KIAA1549L: variants seen among roughly 807,000 people sequenced by gnomAD.
The protein encoded by KIAA1549L is UPF0606 protein KIAA1549L.
A neutral mutation model predicts 160.7 loss-of-function variants in KIAA1549L; 88 were observed. The ratio of observed to expected loss-of-function variants is 0.55; its 90% CI spans 0.46 to 0.65. KIAA1549L has a LOEUF of 0.65. Ranked by LOEUF, KIAA1549L falls within the 30% of genes least tolerant of loss-of-function variation. The pLI, the probability that KIAA1549L is intolerant of heterozygous loss-of-function variation, is 0.00. For missense variants in KIAA1549L, 2,258 were observed against 2,437.5 expected, an observed-to-expected ratio of 0.93 and a Z score of 1.55; for synonymous variants, 950 against 976.7, an observed-to-expected ratio of 0.97 and a Z score of 0.51.
At chr11:33,397,431 C>A (rs532075986) in intron 1 of KIAA1549L, among the ~76,000 whole-genome samples, 1 of 148,634 alleles carries the variant, frequency 6.7e-6, no homozygotes, top group South Asian at 2.2e-4. Flanking sequence ...ACATTTTAGG[C>A]TGGGCGCGGT....
chr11:33,530,065 C>T (rs571593628), intron 1 of KIAA1549L, among the ~76,000 whole-genome samples: 1 of 151,920 alleles, frequency 6.6e-6, no homozygotes, highest in Non-Finnish European at 1.5e-5. Context: ...ACTTGACTCC[C>T]CTTTGGGCCA....
chr11:33,576,781 G>A (rs1188294787), intron 10 of KIAA1549L, among the ~76,000 whole-genome samples: 1 of 152,168 alleles, frequency 6.6e-6, no homozygotes, highest in Non-Finnish European at 1.5e-5. Flanking sequence ...GGTGCCATTT[G>A]TTGAGATGCA....
intron 1 of KIAA1549L, among the ~76,000 whole-genome samples, chr11:33,463,694 T>A (rs550905807): frequency 1.3e-5 from 2 of 152,356 alleles, no homozygotes; most frequent in African/African-American, 4.8e-5. Context: ...GACTGCCTTA[T>A]GTCATTTTAA....
chr11:33,610,021 C>A, intron 15 of KIAA1549L, 55 bp downstream of exon 15: 1 of 1,386,000 alleles, frequency 7.2e-7, no homozygotes, highest in Non-Finnish European at 1.0e-6. Flanking sequence ...GGGATAAGGG[C>A]AGGCCTTGGG....
At chr11:33,496,396 C>T (rs1852820831) in intron 1 of KIAA1549L, among the ~76,000 whole-genome samples, 1 of 152,182 alleles carries the variant, frequency 6.6e-6, no homozygotes, top group Non-Finnish European at 1.5e-5. Context: ...CTGGAGGGGT[C>T]GTCAGCAGCT....
intron 1 of KIAA1549L, among the ~76,000 whole-genome samples, chr11:33,429,533 C>T (rs561082073): frequency 1.6e-4 from 24 of 152,254 alleles, no homozygotes; most frequent in African/African-American, 4.8e-4. Flanking sequence ...ATTGCCCTCA[C>T]GGCAGCATTT....
chr11:33,422,549 T>TC (rs1193002775), intron 1 of KIAA1549L, among the ~76,000 whole-genome samples: 23 of 66,150 alleles, frequency 3.5e-4, no homozygotes, highest in Middle Eastern at 0.015. Flanking sequence ...CCTCCCCCCT[T>TC]CCCCCCCTCC....
In KIAA1549L at chr11:33,574,743, G is replaced by A. The variant is rs1430516542; in HGVS notation, c.4272G>A (p.Ala1424=). 5 of 1,613,752 alleles carry A rather than the reference G, an allele frequency of 3.1e-6. 1 individual carries two copies. In the South Asian group the frequency reaches 4.4e-5, roughly 14 times the overall value. The change falls in exon 10 of 21, where the codon GCG becomes GCA. Residue 1424 remains alanine (A), a synonymous_variant. Coordinates refer to ENST00000658780, the MANE Select transcript of KIAA1549L (RefSeq NM_012194.3). ...GTGTCCCAGGCCCGAAGGACCCAGC[G>A]GAGCTGACTTACTATACCCTGTACA... ...MQRVPGPKDP[A]ELTYYTLYNG...
intron 10 of KIAA1549L, among the ~76,000 whole-genome samples, chr11:33,577,519 G>A (rs986952523): frequency 1.1e-4 from 17 of 152,180 alleles, no homozygotes; most frequent in African/African-American, 4.1e-4. Flanking sequence ...GAAGGGGTCC[G>A]CAGGGACAGC....
intron 1 of KIAA1549L, among the ~76,000 whole-genome samples, chr11:33,492,573 C>T (rs796220045): frequency 6.6e-5 from 10 of 152,234 alleles, no homozygotes; most frequent in African/African-American, 2.2e-4. Context: ...CGTGGTTCTA[C>T]TTTTTGTTAT....
rs925930792 is a variant in KIAA1549L at position 33,376,262 on chromosome 11, C to G, written c.-390C>G. Among the ~76,000 whole-genome samples, 1 of 148,356 alleles carries G rather than the reference C, an allele frequency of 6.7e-6. No individual in the cohort carries two copies. The highest frequency in any genetic ancestry group is 2.4e-5 in the African/African-American group (1 of 40,892). ...GCAGCGGCGGCGGGAGGGAGGGACCCGAGCGCGCCCCGCGGCCGCCACCCC... is the reference window on the plus strand; with the variant it reads ...GCAGCGGCGGCGGGAGGGAGGGACCGGAGCGCGCCCCGCGGCCGCCACCCC... On this transcript the variant is annotated 5_prime_UTR_variant, in exon 1 of 21. Coordinates refer to ENST00000658780, the MANE Select transcript of KIAA1549L (RefSeq NM_012194.3). The surrounding 1 kb of genome is among the most constrained non-coding windows in gnomAD (Gnocchi z 5.8).
intron 1 of KIAA1549L, among the ~76,000 whole-genome samples, chr11:33,495,900 T>C (rs1565158763): frequency 1.3e-5 from 2 of 152,098 alleles, no homozygotes; most frequent in South Asian, 4.1e-4. Flanking sequence ...TTTTTTCATG[T>C]GTTTTTTGGC....
chr11:33,458,253 C>T (rs1590259716), intron 1 of KIAA1549L, among the ~76,000 whole-genome samples: 1 of 152,164 alleles, frequency 6.6e-6, no homozygotes, highest in Non-Finnish European at 1.5e-5. Flanking sequence ...ATGAATGAAT[C>T]AATATCAAGA....
At chr11:33,645,640 C>T (rs201841173) in intron 16 of KIAA1549L, 46 bp from the exon 17 acceptor site, 314 of 1,406,046 alleles carry the variant, frequency 2.2e-4, no homozygotes, top group Non-Finnish European at 2.8e-4. Flanking sequence ...AGCACCTTCA[C>T]GGGAAGGAAA....
At chr11:33,608,421 A>G (rs1218484282) in intron 14 of KIAA1549L, among the ~76,000 whole-genome samples, 1 of 152,276 alleles carries the variant, frequency 6.6e-6, no homozygotes, top group Non-Finnish European at 1.5e-5. Context: ...GAGAATCTGA[A>G]TGTCTTCTCA....
At chr11:33,502,864 GT>G (rs1200780424) in intron 1 of KIAA1549L, among the ~76,000 whole-genome samples, 2 of 152,312 alleles carry the variant, frequency 1.3e-5, no homozygotes, top group East Asian at 3.9e-4. Context: ...ACCTTGTACA[GT>G]TGTCTGTCAA....
At chr11:33,578,449 T>C (rs763852081) in intron 10 of KIAA1549L, among the ~76,000 whole-genome samples, 2 of 152,172 alleles carry the variant, frequency 1.3e-5, no homozygotes, top group Non-Finnish European at 2.9e-5. Context: ...GTCCATCCCA[T>C]CATTCTCTCC....
chr11:33,416,530 A>G (rs1850892909), intron 1 of KIAA1549L, among the ~76,000 whole-genome samples: 2 of 152,196 alleles, frequency 1.3e-5, no homozygotes, highest in Non-Finnish European at 2.9e-5. Context: ...ACAGCTATTT[A>G]CATAGCATTT....
At chr11:33,465,823 C>T (rs1018678063) in intron 1 of KIAA1549L, among the ~76,000 whole-genome samples, 1 of 152,156 alleles carries the variant, frequency 6.6e-6, no homozygotes, top group African/African-American at 2.4e-5. Flanking sequence ...CCCTTCCTTA[C>T]ACCTTACACA....
Sources: gnomAD v4.1 joint callset for allele counts (sites outside exome capture counted in the v4.1 genomes callset) on GRCh38, gnomAD v4.1.1 for gene constraint, Gnocchi (gnomAD v3.1) non-coding constraint, MANE v1.5 for transcripts, NCBI Gene and HGNC (gene_info 2026-07-23, HGNC 2026-07-21) for gene names.